PTK2: variants seen among roughly 807,000 people sequenced by gnomAD.
PTK2 encodes focal adhesion kinase 1.
Under a neutral mutation model 150.1 loss-of-function variants are expected in PTK2, and 45 were observed. The ratio of observed to expected loss-of-function variants is 0.30; its 90% CI spans 0.24 to 0.38. The LOEUF is 0.38. Ranked by LOEUF, PTK2 falls within the 10% of genes least tolerant of loss-of-function variation. The pLI, the probability that PTK2 is intolerant of heterozygous loss-of-function variation, is 1.00. For synonymous variants in PTK2, 432 were observed against 449.2 expected (o/e 0.96, Z 0.48); for missense variants, 919 against 1,307.3 (o/e 0.70, Z 4.58).
At chr8:140,916,368 C>A (rs114368951) in intron 2 of PTK2, among the ~76,000 whole-genome samples, 1 of 152,336 alleles carries the variant, frequency 6.6e-6, no homozygotes, top group African/African-American at 2.4e-5. Flanking sequence ...GCCATAACCC[C>A]GTATTCACTC....
intron 27 of PTK2, among the ~76,000 whole-genome samples, chr8:140,679,003 GTTTTTTTTTTTTTTTTTTTTTTTTTTT>G (rs533089786): frequency 2.9e-5 from 2 of 68,988 alleles, no homozygotes; most frequent in Non-Finnish European, 2.5e-5. Context: ...TGCTCCCCAT[GTTTTTTTTTTTTTTTTTTTTTTTTTTT>G]TTTTTTTTTT....
At chr8:140,662,550 C>T (rs956541229) in intron 31 of PTK2, 9 of 401,818 alleles carry the variant, frequency 2.2e-5, no homozygotes, top group African/African-American at 1.4e-4. Flanking sequence ...GTGAGAGAAC[C>T]CCATTTGGTT....
chr8:140,685,660 A>G (rs1440812299), intron 27 of PTK2, among the ~76,000 whole-genome samples: 8 of 152,254 alleles, frequency 5.3e-5, no homozygotes. Context: ...ACTAATCATT[A>G]GAGAAAAGCA....
At chr8:140,715,845 C>CA (rs1192592500) in intron 23 of PTK2, among the ~76,000 whole-genome samples, 3 of 151,662 alleles carry the variant, frequency 2.0e-5, no homozygotes, top group African/African-American at 7.3e-5. Flanking sequence ...ACTCTGAAAC[C>CA]AAAAAAGAAG....
chr8:140,769,683 C>A, intron 14 of PTK2, 91 bp from the exon 16 acceptor site: 5 of 810,840 alleles, frequency 6.2e-6, no homozygotes, highest in South Asian at 3.3e-5. Context: ...GGGGAAAACA[C>A]TATTAAAATG....
chr8:140,935,401 TTC>T (rs2100173253), intron 1 of PTK2, among the ~76,000 whole-genome samples: 5 of 152,170 alleles, frequency 3.3e-5, no homozygotes, highest in Admixed American at 3.3e-4. Context: ...TCCTGACAGA[TTC>T]TTAGAGAGCA....
At chr8:140,962,507 C>T (rs888282871) in intron 1 of PTK2, among the ~76,000 whole-genome samples, 1 of 152,132 alleles carries the variant, frequency 6.6e-6, no homozygotes, top group Non-Finnish European at 1.5e-5. Context: ...GTATAGGACA[C>T]ACAGCTCGAG....
intron 16 of PTK2, among the ~76,000 whole-genome samples, chr8:140,759,159 T>C (rs2100067707): frequency 6.6e-6 from 1 of 152,184 alleles, no homozygotes. Context: ...GGCACATGAT[T>C]GTACTATTAG....
At chr8:140,705,503 G>T (rs2100033194) in intron 24 of PTK2, among the ~76,000 whole-genome samples, 1 of 152,214 alleles carries the variant, frequency 6.6e-6, no homozygotes, top group Non-Finnish European at 1.5e-5. Flanking sequence ...CAAAGGAACT[G>T]CCGGGGTCAC....
intron 26 of PTK2, among the ~76,000 whole-genome samples, chr8:140,688,311 T>C (rs1025019316): frequency 6.6e-6 from 1 of 152,168 alleles, no homozygotes; most frequent in Non-Finnish European, 1.5e-5. Flanking sequence ...AACACATCAG[T>C]GTTGACTGAA....
At chr8:140,697,648 T>C (rs2100027561) in intron 26 of PTK2, among the ~76,000 whole-genome samples, 1 of 152,108 alleles carries the variant, frequency 6.6e-6, no homozygotes. Context: ...GGTCTCGAAC[T>C]CCTGACCTCT....
chr8:140,833,206 T>G (rs2100116584), intron 7 of PTK2, among the ~76,000 whole-genome samples: 1 of 152,092 alleles, frequency 6.6e-6, no homozygotes, highest in Admixed American at 6.5e-5. Flanking sequence ...GGCTAATAAT[T>G]AGCATATATA....
At chr8:140,825,741 T>C (rs1214104109) in intron 8 of PTK2, among the ~76,000 whole-genome samples, 1 of 152,222 alleles carries the variant, frequency 6.6e-6, no homozygotes, top group East Asian at 1.9e-4. Flanking sequence ...CATTTACACA[T>C]CTTGTCTCCT....
intron 10 of PTK2, among the ~76,000 whole-genome samples, chr8:140,808,822 A>G (rs1462051483): frequency 1.5e-5 from 2 of 133,518 alleles, no homozygotes; most frequent in African/African-American, 5.9e-5. Context: ...TGCAATCTCC[A>G]CCTCCCGGGT....
intron 14 of PTK2, among the ~76,000 whole-genome samples, chr8:140,785,718 A>G (rs1031926586): frequency 6.6e-6 from 1 of 152,194 alleles, no homozygotes; most frequent in Non-Finnish European, 1.5e-5. Flanking sequence ...AGAGGGTAAT[A>G]ATGACCTGAG....
intron 9 of PTK2, 84 bp from the exon 10 acceptor site, chr8:140,818,438 G>A: frequency 8.1e-7 from 1 of 1,228,490 alleles, no homozygotes; most frequent in Non-Finnish European, 1.2e-6. Flanking sequence ...ATATGTTAAA[G>A]GACCAAAGCA....
intron 1 of PTK2, among the ~76,000 whole-genome samples, chr8:140,974,474 A>G (rs923282222): frequency 6.6e-6 from 1 of 152,252 alleles, no homozygotes; most frequent in Non-Finnish European, 1.5e-5. Flanking sequence ...TGTACCAAAA[A>G]TGTGTCTTAT....
intron 31 of PTK2, among the ~76,000 whole-genome samples, chr8:140,660,295 G>C (rs577703595): frequency 6.6e-6 from 1 of 152,196 alleles, no homozygotes; most frequent in African/African-American, 2.4e-5. Context: ...CTGAGATACA[G>C]TAAGATGTGC....
At chr8:140,788,980 T>C (rs1198144191) in intron 14 of PTK2, among the ~76,000 whole-genome samples, 1 of 152,114 alleles carries the variant, frequency 6.6e-6, no homozygotes, top group East Asian at 1.9e-4. Context: ...CCAAGGAAAG[T>C]ACAACACACT....
Sources: allele counts gnomAD v4.1 joint callset (sites outside exome capture counted in the v4.1 genomes callset), GRCh38; gene constraint gnomAD v4.1.1; transcripts MANE v1.5; gene names NCBI Gene and HGNC (gene_info 2026-07-23, HGNC 2026-07-21).